Variants in RTL4 observed in about 807,000 individuals in gnomAD.
RTL4 encodes retrotransposon Gag-like protein 4.
Under a neutral mutation model 5.3 loss-of-function variants are expected in RTL4, and 4 were observed. That is an observed-to-expected ratio of 0.75 (90% CI 0.37 to 1.72). RTL4 has a LOEUF of 1.72. Ranked by LOEUF, RTL4 falls within the 40% of genes most tolerant of loss-of-function variation. The pLI is 0.04. For synonymous variants in RTL4, 98 were observed against 87.3 expected (o/e 1.12, Z -0.68); for missense variants, 260 against 227.1 (o/e 1.14, Z -0.93).
the RTL4 span, among the ~76,000 whole-genome samples, chrX:112,280,932 G>A: frequency 9.0e-6 from 1 of 111,456 alleles, no homozygotes; most frequent in African/African-American, 3.3e-5. Flanking sequence ...AACTATGTGT[G>A]CATTTTGGGA....
chrX:112,340,461 G>C, the RTL4 span, among the ~76,000 whole-genome samples: 1 of 110,308 alleles, frequency 9.1e-6, no homozygotes, highest in East Asian at 2.9e-4. Context: ...AATATATTCA[G>C]AGCGATTATT....
the RTL4 span, among the ~76,000 whole-genome samples, chrX:112,262,681 A>T: frequency 9.0e-6 from 1 of 111,611 alleles, no homozygotes; most frequent in Non-Finnish European, 1.9e-5. Flanking sequence ...TGACCCAGTG[A>T]TCCCATTACT....
the RTL4 span, among the ~76,000 whole-genome samples, chrX:112,158,544 A>G: frequency 9.1e-6 from 1 of 109,495 alleles, no homozygotes; most frequent in Middle Eastern, 4.8e-3. Flanking sequence ...ATAGAATACG[A>G]ATTTTTTTAC....
chrX:112,135,367 ATT>A, the RTL4 span, among the ~76,000 whole-genome samples: 2 of 111,575 alleles, frequency 1.8e-5, no homozygotes, highest in African/African-American at 6.5e-5. Context: ...TGAAGTGACT[ATT>A]TAAATTTTTT....
chrX:112,200,248 A>C, the RTL4 span, among the ~76,000 whole-genome samples: 1 of 112,148 alleles, frequency 8.9e-6, no homozygotes, highest in East Asian at 2.8e-4. Context: ...CCGTGCCAAC[A>C]TGCAATGTGA....
chrX:112,440,567 GT>G, the RTL4 span, among the ~76,000 whole-genome samples: 1 of 112,119 alleles, frequency 8.9e-6, no homozygotes, highest in Non-Finnish European at 1.9e-5. Flanking sequence ...GCTAGAGGGT[GT>G]TGGATACAAA....
the RTL4 span, among the ~76,000 whole-genome samples, chrX:112,392,971 C>A: frequency 9.1e-6 from 1 of 109,991 alleles, no homozygotes; most frequent in African/African-American, 3.4e-5. Flanking sequence ...GCCCCTCCTT[C>A]TGGGAGCTCT....
chrX:112,378,219 T>C, the RTL4 span, among the ~76,000 whole-genome samples: 1 of 111,085 alleles, frequency 9.0e-6, no homozygotes, highest in Non-Finnish European at 1.9e-5. Context: ...GGGTATCCTT[T>C]AGGGTTGGCT....
chrX:112,362,210 A>G, the RTL4 span, among the ~76,000 whole-genome samples: 5 of 112,189 alleles, frequency 4.5e-5, no homozygotes, highest in African/African-American at 1.6e-4. Flanking sequence ...TCATTCATGC[A>G]ATGGATAGAT....
chrX:112,191,980 C>A, the RTL4 span, among the ~76,000 whole-genome samples: 1 of 109,877 alleles, frequency 9.1e-6, no homozygotes, highest in South Asian at 3.9e-4. Context: ...TAAATTTCTT[C>A]CTAGGTATTT....
chrX:112,443,916 C>T, the RTL4 span, among the ~76,000 whole-genome samples: 2 of 111,107 alleles, frequency 1.8e-5, no homozygotes, highest in Admixed American at 9.6e-5. Flanking sequence ...TGATTGTATC[C>T]TTTGCTGTGC....
At chrX:112,184,077 T>C in the RTL4 span, among the ~76,000 whole-genome samples, 1 of 109,427 alleles carries the variant, frequency 9.1e-6, no homozygotes, top group African/African-American at 3.3e-5. Context: ...CTGGAAACCA[T>C]CACTCTCAGC....
At chrX:112,281,203 C>T in the RTL4 span, among the ~76,000 whole-genome samples, 1 of 111,997 alleles carries the variant, frequency 8.9e-6, no homozygotes, top group East Asian at 2.8e-4. Context: ...ATGAGTTCAA[C>T]ATTTTTAGAT....
the RTL4 span, among the ~76,000 whole-genome samples, chrX:112,154,412 T>G: frequency 8.9e-6 from 1 of 112,341 alleles, no homozygotes; most frequent in Non-Finnish European, 1.9e-5. Context: ...TTGCATGTGC[T>G]ATAAACTTCT....
chrX:112,386,583 CT>C, the RTL4 span, among the ~76,000 whole-genome samples: 1 of 110,544 alleles, frequency 9.0e-6, no homozygotes, highest in Non-Finnish European at 1.9e-5. Flanking sequence ...TTATCTTCCA[CT>C]TATGAGTGAG....
the RTL4 span, among the ~76,000 whole-genome samples, chrX:112,155,092 C>T: frequency 7.2e-5 from 8 of 110,890 alleles, no homozygotes; most frequent in Admixed American, 7.8e-4. Context: ...CCTCACCAGA[C>T]ACCAAATCTG....
At chrX:112,134,711 G>C in the RTL4 span, among the ~76,000 whole-genome samples, 17 of 111,947 alleles carry the variant, frequency 1.5e-4, no homozygotes, top group Non-Finnish European at 3.2e-4. Flanking sequence ...AGCTCCTTTG[G>C]ATTTTCCTCC....
the RTL4 span, among the ~76,000 whole-genome samples, chrX:112,104,495 C>T: frequency 9.0e-6 from 1 of 111,490 alleles, no homozygotes; most frequent in East Asian, 2.8e-4. Flanking sequence ...AATGGCTATA[C>T]TAATTTATCT....
At chrX:112,235,821 T>A in the RTL4 span, among the ~76,000 whole-genome samples, 1 of 111,592 alleles carries the variant, frequency 9.0e-6, no homozygotes, top group Admixed American at 9.5e-5. Flanking sequence ...ATTCTGTCTT[T>A]GGCTGTTTAA....
Sources: allele counts gnomAD v4.1 joint callset (sites outside exome capture counted in the v4.1 genomes callset), GRCh38; gene constraint gnomAD v4.1.1; transcripts MANE v1.5; gene names NCBI Gene and HGNC (gene_info 2026-07-23, HGNC 2026-07-21).